The following STXBP4 variants were observed in gnomAD, a reference collection of about 807,000 sequenced individuals.
The protein encoded by STXBP4 is syntaxin-binding protein 4.
In STXBP4, 55 loss-of-function variants were observed where a neutral mutation model predicts 76.1. That is an observed-to-expected ratio of 0.72 (90% CI 0.58 to 0.91). The LOEUF is 0.91. Among genes scored for constraint, STXBP4 ranks in the 40% least tolerant of loss-of-function variants. The pLI is 0.00. For synonymous variants in STXBP4, 201 were observed against 220.2 expected (o/e 0.91, Z 0.77); for missense variants, 618 against 636.9 (o/e 0.97, Z 0.32).
chr17:55,054,984 T>C (rs2078906287), intron 12 of STXBP4, among the ~76,000 whole-genome samples: 1 of 152,106 alleles, frequency 6.6e-6, no homozygotes, highest in South Asian at 2.1e-4. Flanking sequence ...AAATAAACCT[T>C]TTCTATGCTA....
At chr17:55,040,847 G>A (rs1382157251) in intron 10 of STXBP4, among the ~76,000 whole-genome samples, 4 of 152,144 alleles carry the variant, frequency 2.6e-5, no homozygotes, top group Admixed American at 6.5e-5. Flanking sequence ...TTGAAAACAC[G>A]CATCTGTCTG....
chr17:54,968,815 G>T lies in STXBP4; in HGVS notation c.-157G>T, dbSNP rs17817968. On this transcript the variant is annotated splice_region_variant and 5_prime_UTR_variant, in exon 1 of 18. Coordinates refer to ENST00000376352, the MANE Select transcript of STXBP4 (RefSeq NM_178509.6). ...ACGGAGGCCGGGTTGCCAGATTACGGGTAAGTTTGCGTTTTGCTTTGTGAC... is the reference window on the plus strand; with the variant it reads ...ACGGAGGCCGGGTTGCCAGATTACGTGTAAGTTTGCGTTTTGCTTTGTGAC... 0.018 allele frequency: 12,271 copies of T among 679,116 alleles called. 166 individuals carry two copies. Among genetic ancestry groups the T allele is most frequent in the Non-Finnish European group, 0.024 (9,681 of 403,888 alleles). 42.1% of individuals were successfully genotyped at this position (679,116 alleles called of 1,614,324 possible).
intron 16 of STXBP4, among the ~76,000 whole-genome samples, chr17:55,134,206 A>G (rs1175863133): frequency 3.3e-5 from 5 of 152,004 alleles, no homozygotes; most frequent in Admixed American, 3.3e-4. Context: ...GTGGGAATCT[A>G]GAAGTTCTCT....
chr17:54,983,263 G>A (rs995484472), intron 1 of STXBP4, among the ~76,000 whole-genome samples: 1 of 152,252 alleles, frequency 6.6e-6, no homozygotes. Flanking sequence ...TAAGTGAATG[G>A]AATAAACACC....
rs78175121 is a variant in STXBP4, at chr17:54,996,257, G to A, written c.181-3088G>A. ...CAGGGTGGATGGTGGCATTCTAGAT[G>A]GGAATTCATATGTGTGAAAACATTG... On this transcript the variant is annotated intron_variant, in intron 4 of 17. Coordinates refer to ENST00000376352, the MANE Select transcript of STXBP4 (RefSeq NM_178509.6). Among the ~76,000 whole-genome samples the A allele has an allele frequency of 1.3e-3, 197 of 149,216 alleles. 5 individuals carry two copies. In the East Asian group the frequency reaches 0.031, roughly 23 times the overall value.
At chr17:54,977,338 C>G (rs1244739962) in intron 1 of STXBP4, among the ~76,000 whole-genome samples, 1 of 152,182 alleles carries the variant, frequency 6.6e-6, no homozygotes, top group Non-Finnish European at 1.5e-5. Flanking sequence ...AACATTAGGC[C>G]TACAATGGCT....
chr17:54,970,397 G>T (rs796858073), intron 1 of STXBP4, among the ~76,000 whole-genome samples: 1 of 152,194 alleles, frequency 6.6e-6, no homozygotes, highest in South Asian at 2.1e-4. Context: ...CCACATGAGT[G>T]ATGATGGTCA....
intron 11 of STXBP4, among the ~76,000 whole-genome samples, chr17:55,045,317 A>G (rs566106114): frequency 6.6e-6 from 1 of 152,102 alleles, no homozygotes; most frequent in Non-Finnish European, 1.5e-5. Context: ...AGTTTTAAAA[A>G]TACATTGACA....
chr17:55,124,475 G>T (rs924510433), intron 16 of STXBP4, among the ~76,000 whole-genome samples: 1 of 152,204 alleles, frequency 6.6e-6, no homozygotes, highest in African/African-American at 2.4e-5. Context: ...TAGAAACACT[G>T]TTTGCCTTCC....
At chr17:55,144,512 G>A (rs1050426469) in intron 17 of STXBP4, among the ~76,000 whole-genome samples, 1 of 152,190 alleles carries the variant, frequency 6.6e-6, no homozygotes, top group Non-Finnish European at 1.5e-5. Context: ...ATAAGACACA[G>A]TAGAGACACA....
At chr17:55,173,633 C>T (rs1360895641), downstream of STXBP4, 1 of 152,132 alleles carries the variant, frequency 6.6e-6, no homozygotes, top group Non-Finnish European at 1.5e-5. Flanking sequence ...TCAACATCCA[C>T]GTATTGGTTT....
intron 8 of STXBP4, among the ~76,000 whole-genome samples, chr17:55,008,182 C>T (rs562721662): frequency 6.7e-6 from 1 of 150,308 alleles, no homozygotes; most frequent in African/African-American, 2.4e-5. Flanking sequence ...TATCAGGTTA[C>T]CAGGGATCTG....
intron 17 of STXBP4, among the ~76,000 whole-genome samples, chr17:55,147,479 T>C (rs912853205): frequency 2.0e-5 from 3 of 152,186 alleles, no homozygotes; most frequent in African/African-American, 7.2e-5. Context: ...GCCCGGGGGT[T>C]GAGGACCCCT....
intron 16 of STXBP4, among the ~76,000 whole-genome samples, chr17:55,140,998 A>G (rs2080088931): frequency 1.3e-5 from 2 of 152,198 alleles, no homozygotes; most frequent in Non-Finnish European, 2.9e-5. Context: ...CCTTCAGGCA[A>G]AAACCATCCA....
intron 6 of STXBP4, chr17:55,000,272 C>T: frequency 1.0e-6 from 1 of 985,224 alleles, no homozygotes; most frequent in Non-Finnish European, 1.2e-6. Flanking sequence ...AGGTATTGCT[C>T]CTTCATGTGT....
At chr17:55,018,185 C>T (rs748708661) in intron 8 of STXBP4, among the ~76,000 whole-genome samples, 1 of 152,140 alleles carries the variant, frequency 6.6e-6, no homozygotes, top group Non-Finnish European at 1.5e-5. Context: ...ACCCACAGAA[C>T]CCAGTGACTA....
In STXBP4 at chr17:55,171,244, AG is replaced by A. The variant is rs1207229271; in HGVS notation, c.*11334del. The A allele has an allele frequency of 1.3e-5, 2 of 152,172 alleles. No individual in the cohort carries two copies. The highest frequency in any genetic ancestry group is 2.9e-5 in the Non-Finnish European group (2 of 68,040). The allele number at this position is 152,172 out of a possible 1,614,324, so 9.4% of individuals were successfully genotyped here. On this transcript the variant is annotated 3_prime_UTR_variant, in exon 18 of 18. Transcript: ENST00000376352. ...CAAAACATCAGGTGTGCCTCTGAAT[AG>A]TCTTTGCAAGAAGCACAAAATCCTA... is the stretch of plus-strand genomic sequence containing the variant.
chr17:55,039,343 T>C (rs1271132180), intron 10 of STXBP4, among the ~76,000 whole-genome samples: 1 of 60,248 alleles, frequency 1.7e-5, no homozygotes, highest in Non-Finnish European at 2.8e-5. Context: ...GAGAGTAGTC[T>C]ACTTAAAAAA....
chr17:55,106,043 A>G (rs946525463), intron 16 of STXBP4, among the ~76,000 whole-genome samples: 4 of 152,020 alleles, frequency 2.6e-5, no homozygotes, highest in Admixed American at 2.6e-4. Flanking sequence ...ATCTTCTGAT[A>G]TTGAGAGTGG....
Sources: allele counts gnomAD v4.1 joint callset (sites outside exome capture counted in the v4.1 genomes callset), GRCh38; gene constraint gnomAD v4.1.1; transcripts MANE v1.5; gene names NCBI Gene and HGNC (gene_info 2026-07-23, HGNC 2026-07-21).